Variants in CEP128 observed in about 807,000 individuals in gnomAD.
The protein encoded by CEP128 is centrosomal protein 128kDa.
Under a neutral mutation model 156.7 loss-of-function variants are expected in CEP128, and 132 were observed. The ratio of observed to expected loss-of-function variants is 0.84; its 90% CI spans 0.73 to 0.97. The LOEUF (loss-of-function observed/expected upper bound fraction) is 0.97, where lower values mean the gene tolerates loss of function less well. CEP128 is among the 50% of genes least tolerant of loss of function. The pLI is 0.00. For synonymous variants in CEP128, 469 were observed against 448.9 expected (o/e 1.04, Z -0.57); for missense variants, 1,252 against 1,281.9 (o/e 0.98, Z 0.36).
intron 4 of CEP128, among the ~76,000 whole-genome samples, chr14:80,907,388 G>A (rs926186670): frequency 3.3e-5 from 5 of 152,044 alleles, no homozygotes; most frequent in African/African-American, 9.7e-5. Context: ...CAGCATCGGC[G>A]GTTGCTCGCG....
At chr14:80,869,458 T>C (rs779695967) in intron 8 of CEP128, among the ~76,000 whole-genome samples, 2 of 152,010 alleles carry the variant, frequency 1.3e-5, no homozygotes, top group Non-Finnish European at 2.9e-5. Context: ...AAAGCAGTTC[T>C]AAGAGGGAGT....
At chr14:80,734,897 C>A (rs10145860) in intron 19 of CEP128, among the ~76,000 whole-genome samples, 9,589 of 144,518 alleles carry the variant, frequency 0.066, 1,052 homozygotes, top group African/African-American at 0.23. Context: ...AAACACTATT[C>A]ATTACATTAC....
intron 24 of CEP128, among the ~76,000 whole-genome samples, chr14:80,503,503 T>C (rs1039380516): frequency 6.6e-6 from 1 of 152,196 alleles, no homozygotes; most frequent in African/African-American, 2.4e-5. Flanking sequence ...CTAGAAAGGC[T>C]TATGAAGGTC....
chr14:80,615,324 A>G (rs915683732), intron 19 of CEP128, among the ~76,000 whole-genome samples: 1 of 152,212 alleles, frequency 6.6e-6, no homozygotes, highest in African/African-American at 2.4e-5. Flanking sequence ...CCACTATGTG[A>G]TATTAATTTT....
chr14:80,708,802 C>G (rs543016669), intron 19 of CEP128, among the ~76,000 whole-genome samples: 1 of 152,052 alleles, frequency 6.6e-6, no homozygotes, highest in East Asian at 1.9e-4. Flanking sequence ...AACTTCTGGC[C>G]CATTTAAAAT....
chr14:80,904,716 G>C (rs1883781723), intron 6 of CEP128, 97 bp downstream of exon 6: 1 of 748,268 alleles, frequency 1.3e-6, no homozygotes, highest in Admixed American at 2.0e-5. Flanking sequence ...TCAAATTCTT[G>C]GTTAAAATAT....
chr14:80,663,092 T>C (rs1895466601), intron 19 of CEP128, among the ~76,000 whole-genome samples: 2 of 152,192 alleles, frequency 1.3e-5, no homozygotes, highest in African/African-American at 2.4e-5. Context: ...CAATGTGTAA[T>C]TAGAAATTAT....
At chr14:80,883,593 A>C (rs1360988605) in intron 8 of CEP128, among the ~76,000 whole-genome samples, 1 of 152,132 alleles carries the variant, frequency 6.6e-6, no homozygotes, top group Non-Finnish European at 1.5e-5. Context: ...TTAAAGAGAA[A>C]CCATTAAAAA....
At chr14:80,862,046 T>G (rs1400279132) in intron 9 of CEP128, among the ~76,000 whole-genome samples, 1 of 152,168 alleles carries the variant, frequency 6.6e-6, no homozygotes, top group Non-Finnish European at 1.5e-5. Context: ...CATTCTAAAT[T>G]TTCAACTTTA....
upstream of CEP128, among the ~76,000 whole-genome samples, chr14:80,946,350 C>T (rs1167390603): frequency 7.2e-6 from 1 of 138,284 alleles, no homozygotes; most frequent in South Asian, 2.2e-4. Flanking sequence ...CATGATGCAT[C>T]ATGATGATGC....
At chr14:80,882,468 G>A (rs1888599657) in intron 8 of CEP128, among the ~76,000 whole-genome samples, 1 of 152,084 alleles carries the variant, frequency 6.6e-6, no homozygotes, top group Admixed American at 6.5e-5. Context: ...TACACTGTTC[G>A]TGGGAATGTA....
Position 80,526,875 on chromosome 14 carries a change from AC to A in CEP128, c.3065del (p.Ser1022IlefsTer17). Reference sequence around the variant, plus strand: ...AGTATATAAAGAAAATTACTTTGAAACTTTTGGTTCTGTACTTGGTGTCATC... The same window carrying A: ...AGTATATAAAGAAAATTACTTTGAAATTTTGGTTCTGTACTTGGTGTCATC... ...HQDDTKYRTK[S>X]FKGDRTFLEG... is the part of the protein sequence containing the mutation. On this transcript the variant is annotated frameshift_variant, in exon 23 of 25. Coordinates refer to ENST00000555265, the MANE Select transcript of CEP128 (RefSeq NM_152446.5). LOFTEE classifies it high-confidence loss of function. 6.3e-7 allele frequency: 1 copy of A among 1,582,874 alleles called. No individual in the cohort carries two copies. Among genetic ancestry groups the A allele is most frequent in the African/African-American group, 1.4e-5 (1 of 73,978 alleles).
Position 80,758,260 on chromosome 14 carries a change from G to A in CEP128, c.2554-1309C>T, listed in dbSNP as rs1274483475. On this transcript the variant is annotated intron_variant, in intron 17 of 24. Coordinates refer to ENST00000555265, the MANE Select transcript of CEP128 (RefSeq NM_152446.5). The stretch of plus-strand genomic sequence containing the variant: ...TAACCTGCCAGGCATGGTGGCTCAC[G>A]CCTGTAATCCCAGCACTTTGGGAGG... 5.3e-5 allele frequency among the ~76,000 whole-genome samples: 8 copies of A among 152,278 alleles called. No individual in the cohort carries two copies. The East Asian group carries it at 1.2e-3, about 22-fold the overall frequency.
At chr14:80,955,558 G>T (rs1055831418) in intron 2 of CEP128, 2 of 1,193,958 alleles carry the variant, frequency 1.7e-6, no homozygotes, top group Non-Finnish European at 2.5e-6. Context: ...CAGCCCCTTG[G>T]AGCCCTCCCT....
At chr14:80,716,711 C>T (rs1196186218) in intron 19 of CEP128, among the ~76,000 whole-genome samples, 8 of 152,228 alleles carry the variant, frequency 5.3e-5, no homozygotes, top group South Asian at 2.1e-4. Flanking sequence ...TATGTACATG[C>T]GTGTACGGGT....
chr14:80,736,292 A>G (rs1168525240), intron 19 of CEP128, among the ~76,000 whole-genome samples: 1 of 152,008 alleles, frequency 6.6e-6, no homozygotes, highest in East Asian at 1.9e-4. Context: ...TATGCTTTGA[A>G]TTTAATGAAA....
chr14:80,818,675 C>A lies in CEP128; in HGVS notation c.1209+12468G>T, dbSNP rs189778367. On this transcript the variant is annotated intron_variant, in intron 13 of 24. Transcript: ENST00000555265. ...TTCTCCCTGAAGCCCAGCAGGGAAT[C>A]TTCCAAGATAGTTTCTTGCTTCCCT... Among the ~76,000 whole-genome samples the A allele has an allele frequency of 1.6e-3, 244 of 152,356 alleles. 1 individual carries two copies. Among genetic ancestry groups the A allele is most frequent in the Non-Finnish European group, 2.5e-3 (171 of 68,028 alleles).
At chr14:80,789,271 T>C (rs1901580717) in intron 14 of CEP128, among the ~76,000 whole-genome samples, 1 of 151,848 alleles carries the variant, frequency 6.6e-6, no homozygotes, top group African/African-American at 2.4e-5. Context: ...AGATCAAAAT[T>C]GGGTATGAAT....
intron 19 of CEP128, among the ~76,000 whole-genome samples, chr14:80,732,182 T>C (rs1238652758): frequency 6.6e-6 from 1 of 152,148 alleles, no homozygotes; most frequent in Non-Finnish European, 1.5e-5. Context: ...TTAAATAATA[T>C]ATATGCAGAT....
Sources: allele counts gnomAD v4.1 joint callset (sites outside exome capture counted in the v4.1 genomes callset), GRCh38; gene constraint gnomAD v4.1.1; transcripts MANE v1.5; gene names NCBI Gene and HGNC (gene_info 2026-07-23, HGNC 2026-07-21).